MAPK13: variants seen among roughly 807,000 people sequenced by gnomAD.
MAPK13 encodes the protein mitogen-activated protein kinase 13.
Under a neutral mutation model 53.5 loss-of-function variants are expected in MAPK13, and 39 were observed. The ratio of observed to expected loss-of-function variants is 0.73; its 90% CI spans 0.56 to 0.95. The LOEUF (loss-of-function observed/expected upper bound fraction) is 0.95. Among genes scored for constraint, MAPK13 ranks in the 40% least tolerant of loss-of-function variants. The pLI, the probability that MAPK13 is intolerant of heterozygous loss-of-function variation, is 0.00. For synonymous variants in MAPK13, 179 were observed against 190.9 expected (o/e 0.94, Z 0.51); for missense variants, 460 against 471.8 (o/e 0.98, Z 0.23).
At chr6:36,134,113 A>C (rs1766369595) in intron 3 of MAPK13, among the ~76,000 whole-genome samples, 2 of 152,260 alleles carry the variant, frequency 1.3e-5, no homozygotes, top group African/African-American at 4.8e-5. Context: ...GGTCAGTTGA[A>C]GAAGCAAAGT....
chr6:36,131,512 C>A, intron 2 of MAPK13, 112 bp downstream of exon 2: 2 of 1,036,472 alleles, frequency 1.9e-6, no homozygotes, highest in East Asian at 2.5e-5. Context: ...TCCCTGCTCC[C>A]CTGACGGTGC....
chr6:36,131,936 A>G (rs1466392012), intron 2 of MAPK13, among the ~76,000 whole-genome samples: 7 of 152,208 alleles, frequency 4.6e-5, no homozygotes. Context: ...CTCGGCAGCG[A>G]GGCTCCCGGT....
rs1202365250 is a variant in MAPK13 at position 36,143,366 on chromosome 6, G to C, written c.*3993G>C. On this transcript the variant is annotated 3_prime_UTR_variant, in exon 12 of 12. Coordinates refer to ENST00000211287, the MANE Select transcript of MAPK13 (RefSeq NM_002754.5). ...CAGTGCCCAGAGCTGCCTGATGGAG[G>C]AACAGCTCCGTAAGGGTGAACCCAG... 1 of 152,188 alleles carries C rather than the reference G, an allele frequency of 6.6e-6. No homozygotes were observed. Among genetic ancestry groups the C allele is most frequent in the African/African-American group, 2.4e-5 (1 of 41,420 alleles). The allele number at this position is 152,188 out of a possible 1,614,324, so 9.4% of individuals were successfully genotyped here. A position where few individuals can be genotyped will look rare whatever the true frequency, so the allele number is the denominator to read the frequency against.
chr6:36,137,319 TC>T lies in MAPK13; in HGVS notation c.682+371del, dbSNP rs1345018053. Among the ~76,000 whole-genome samples, 7 of 151,996 alleles carry T rather than the reference TC, an allele frequency of 4.6e-5. No homozygotes were observed. The East Asian group carries it at 1.4e-3, about 30-fold the overall frequency. On this transcript the variant is annotated intron_variant, in intron 8 of 11. Coordinates refer to ENST00000211287, the MANE Select transcript of MAPK13 (RefSeq NM_002754.5). ...TCATGAGGTCAGGAGATCGAGACCA[TC>T]CTGGCTAACAAGGGGAAACCCCGTA... is the stretch of plus-strand genomic sequence containing the variant.
At position 36,139,064 on chromosome 6, in the gene MAPK13, T is replaced by C. The variant is rs770725144; in HGVS notation, c.1018+9T>C. ...AGTGGATGAATGGAAGCGTAAGAGCTGGGGCCTCGGGCTTCCTCGCCTCCG... is the reference window on the plus strand; with the variant it reads ...AGTGGATGAATGGAAGCGTAAGAGCCGGGGCCTCGGGCTTCCTCGCCTCCG... On this transcript the variant is annotated intron_variant, in intron 11 of 11. Coordinates refer to ENST00000211287, the MANE Select transcript of MAPK13 (RefSeq NM_002754.5). 45 of 1,573,950 alleles carry C rather than the reference T, an allele frequency of 2.9e-5. No individual in the cohort carries two copies.
intron 3 of MAPK13, among the ~76,000 whole-genome samples, chr6:36,134,248 G>T (rs1287325089): frequency 1.3e-5 from 2 of 152,090 alleles, no homozygotes; most frequent in African/African-American, 4.8e-5. Context: ...CCCAAGGGAG[G>T]TGTGTGGTCC....
At position 36,139,708 on chromosome 6, in the gene MAPK13, C is replaced by G. The variant is rs980690603; in HGVS notation, c.*335C>G. ...TGTTGGTTTCCTAGGGATGCTCTAACGAATTACCACAAACCTGGTGGATTG... is the reference window on the plus strand; with the variant it reads ...TGTTGGTTTCCTAGGGATGCTCTAAGGAATTACCACAAACCTGGTGGATTG... On this transcript the variant is annotated 3_prime_UTR_variant, in exon 12 of 12. Coordinates refer to ENST00000211287, the MANE Select transcript of MAPK13 (RefSeq NM_002754.5). The G allele has an allele frequency of 1.8e-5, 5 of 280,386 alleles. No individual in the cohort carries two copies. The highest frequency in any genetic ancestry group is 1.0e-4 in the South Asian group (2 of 19,386). 17.4% of individuals were successfully genotyped at this position (280,386 alleles called of 1,614,324 possible).
At chr6:36,136,334 C>T in intron 5 of MAPK13, 150 bp from the exon 6 acceptor site, 1 of 703,482 alleles carries the variant, frequency 1.4e-6, no homozygotes, top group Non-Finnish European at 2.4e-6. Context: ...CCTGAGAGAA[C>T]ACCTAGTCCA....
rs975257338 is a variant in MAPK13 at position 36,142,616 on chromosome 6, C to T, written c.*3243C>T. 6.6e-6 allele frequency: 1 copy of T among 152,282 alleles called. No individual in the cohort carries two copies. Among genetic ancestry groups the T allele is most frequent in the Non-Finnish European group, 1.5e-5 (1 of 68,118 alleles). The allele number at this position is 152,282 out of a possible 1,614,324, so 9.4% of individuals were successfully genotyped here. A position where few individuals can be genotyped will look rare whatever the true frequency, so the allele number is the denominator to read the frequency against. The stretch of plus-strand genomic sequence containing the variant: ...CCTGTCGGTCACTTCTTTGCCCCGA[C>T]CAGGCCAATGTCATATGGAAGGTGG... On this transcript the variant is annotated 3_prime_UTR_variant, in exon 12 of 12. Coordinates refer to ENST00000211287, the MANE Select transcript of MAPK13 (RefSeq NM_002754.5). This position sits in a 1 kb window ranked among gnomAD's most constrained non-coding sequence, Gnocchi z 4.4.
Position 36,138,661 on chromosome 6 carries a change from G to A in MAPK13, c.763-41G>A, listed in dbSNP as rs541340423. 93 of 1,585,290 alleles carry A rather than the reference G, an allele frequency of 5.9e-5. 2 individuals are homozygous for A. The South Asian group carries it at 7.1e-4, about 12-fold the overall frequency. On this transcript the variant is annotated intron_variant, in intron 9 of 11. Coordinates refer to ENST00000211287, the MANE Select transcript of MAPK13 (RefSeq NM_002754.5). ...CTGAAATCCCTGCTCTACACGCTGAGGCCAGAGCCCTAAGGGGTTTGATGC... is the reference window on the plus strand; with the variant it reads ...CTGAAATCCCTGCTCTACACGCTGAAGCCAGAGCCCTAAGGGGTTTGATGC...
At chr6:36,138,516 C>A (rs1753173313) in intron 9 of MAPK13, 72 bp downstream of exon 9, 2 of 1,487,808 alleles carry the variant, frequency 1.3e-6, no homozygotes, top group Non-Finnish European at 1.9e-6. Flanking sequence ...GGGCTGCAGG[C>A]CTTTGTGGAA....
intron 11 of MAPK13, 69 bp downstream of exon 11, chr6:36,139,124 G>A (rs1257356221): frequency 6.7e-7 from 1 of 1,503,484 alleles, no homozygotes; most frequent in African/African-American, 1.4e-5. Context: ...CTCCATCTTT[G>A]TGCCTGGCCT....
rs769407087 is a variant in MAPK13, at chr6:36,139,072, C to T, written c.1018+17C>T. The T allele has an allele frequency of 4.5e-6, 7 of 1,560,818 alleles. No individual in the cohort carries two copies. The African/African-American group carries it at 6.9e-5, about 15-fold the overall frequency. ...AATGGAAGCGTAAGAGCTGGGGCCT[C>T]GGGCTTCCTCGCCTCCGCCTGCAGC... On this transcript the variant is annotated intron_variant, in intron 11 of 11. Transcript: ENST00000211287.
chr6:36,131,493 A>G, intron 2 of MAPK13, 93 bp downstream of exon 2: 1 of 1,277,280 alleles, frequency 7.8e-7, no homozygotes, highest in Admixed American at 2.1e-5. Context: ...AGAGCTCGGG[A>G]CAGTCTCCTC....
chr6:36,137,831 C>T (rs1200845701), intron 8 of MAPK13, among the ~76,000 whole-genome samples: 2 of 149,550 alleles, frequency 1.3e-5, no homozygotes, highest in Non-Finnish European at 1.5e-5. Context: ...GTGTGGTTCA[C>T]GCCTGTAATC....
At position 36,140,021 on chromosome 6, in the gene MAPK13, C is replaced by G. The variant is rs1404644699; in HGVS notation, c.*648C>G. 6.6e-6 allele frequency: 1 copy of G among 152,270 alleles called. No individual in the cohort carries two copies. The highest frequency in any genetic ancestry group is 6.5e-5 in the Admixed American group (1 of 15,286). 9.4% of individuals were successfully genotyped at this position (152,270 alleles called of 1,614,324 possible). On this transcript the variant is annotated 3_prime_UTR_variant, in exon 12 of 12. Coordinates refer to ENST00000211287, the MANE Select transcript of MAPK13 (RefSeq NM_002754.5). ...CTTATTAATTAAACCTGCAAATACTCTAGTTCCAAATAAAGTCACATTCTC... is the reference window on the plus strand; with the variant it reads ...CTTATTAATTAAACCTGCAAATACTGTAGTTCCAAATAAAGTCACATTCTC...
chr6:36,138,297 T>C (rs1766460511), intron 8 of MAPK13, 68 bp from the exon 9 acceptor site: 1 of 1,194,938 alleles, frequency 8.4e-7, no homozygotes, highest in African/African-American at 1.5e-5. Flanking sequence ...GAAGTGATGG[T>C]GGGGTCGCAG....
intron 8 of MAPK13, among the ~76,000 whole-genome samples, chr6:36,137,168 G>C (rs1766434324): frequency 6.6e-6 from 1 of 152,016 alleles, no homozygotes; most frequent in South Asian, 2.1e-4. Context: ...CCAGGAGTTT[G>C]AGACCAGATG....
intron 3 of MAPK13, 137 bp downstream of exon 3, chr6:36,132,816 C>A: frequency 1.1e-6 from 1 of 901,428 alleles, no homozygotes; most frequent in Non-Finnish European, 1.8e-6. Context: ...TGTGCCTTTG[C>A]CTGTCAAGTG....
Sources: allele counts gnomAD v4.1 joint callset (sites outside exome capture counted in the v4.1 genomes callset), GRCh38; gene constraint gnomAD v4.1.1; non-coding constraint Gnocchi (gnomAD v3.1); transcripts MANE v1.5; gene names NCBI Gene and HGNC (gene_info 2026-07-23, HGNC 2026-07-21).